Variants in CAMK2D observed in about 807,000 individuals in gnomAD.
CAMK2D encodes the protein calcium/calmodulin-dependent protein kinase type II subunit delta.
CAMK2D carries 37 observed loss-of-function variants against 84.0 expected under a neutral mutation model. The observed-to-expected ratio is 0.44, with a 90% confidence interval of 0.34 to 0.58. CAMK2D has a LOEUF of 0.58. CAMK2D is among the 20% of genes least tolerant of loss of function. The pLI, the probability that CAMK2D is intolerant of heterozygous loss-of-function variation, is 0.02. For missense variants in CAMK2D, 448 were observed against 652.5 expected (o/e 0.69, Z 3.41); for synonymous variants, 202 against 212.5 (o/e 0.95, Z 0.43).
At chr4:113,662,823 TC>T (rs775378263) in intron 2 of CAMK2D, among the ~76,000 whole-genome samples, 94 of 152,268 alleles carry the variant, frequency 6.2e-4, no homozygotes, top group Non-Finnish European at 1.1e-3. Context: ...ACCTTGAAGA[TC>T]CCCTAAGAGA....
Position 113,719,369 on chromosome 4 carries a change from C to G in CAMK2D, c.160+39951G>C, listed in dbSNP as rs563969135. 7.2e-5 allele frequency among the ~76,000 whole-genome samples: 11 copies of G among 152,288 alleles called. 2 individuals carry two copies. Among genetic ancestry groups the G allele is most frequent in the African/African-American group, 2.4e-4 (10 of 41,584 alleles). On this transcript the variant is annotated intron_variant, in intron 2 of 20. Coordinates refer to ENST00000511664, the MANE Select transcript of CAMK2D (RefSeq NM_001321571.2). ...GTAACCTGAAGTAACCTGATATTAACCAATTTGCTTTTCATATTATGCTGT... is the reference window on the plus strand; with the variant it reads ...GTAACCTGAAGTAACCTGATATTAAGCAATTTGCTTTTCATATTATGCTGT...
At chr4:113,547,297 A>C (rs1052219373) in intron 6 of CAMK2D, among the ~76,000 whole-genome samples, 1 of 152,208 alleles carries the variant, frequency 6.6e-6, no homozygotes, top group African/African-American at 2.4e-5. Context: ...CATGAATATA[A>C]AATGTTTGAT....
chr4:113,582,338 G>A (rs1005338319), intron 4 of CAMK2D, among the ~76,000 whole-genome samples: 8 of 152,238 alleles, frequency 5.3e-5, no homozygotes, highest in Admixed American at 3.3e-4. Flanking sequence ...TAGGACACAC[G>A]TTTCTATTTA....
intron 2 of CAMK2D, among the ~76,000 whole-genome samples, chr4:113,676,514 C>A (rs1041136029): frequency 7.2e-5 from 11 of 152,304 alleles, no homozygotes; most frequent in Admixed American, 4.6e-4. Flanking sequence ...TCTATGCACT[C>A]TTTGACCCTG....
At chr4:113,728,047 A>G (rs896601007) in intron 2 of CAMK2D, among the ~76,000 whole-genome samples, 3 of 152,174 alleles carry the variant, frequency 2.0e-5, no homozygotes, top group Non-Finnish European at 4.4e-5. Flanking sequence ...TGCAATTCCC[A>G]TACATTGCTG....
chr4:113,735,400 G>A (rs947500394), intron 2 of CAMK2D, among the ~76,000 whole-genome samples: 38 of 149,684 alleles, frequency 2.5e-4, no homozygotes, highest in East Asian at 8.0e-4. Context: ...GCTTGAGCCC[G>A]CGAGGCAGAG....
At chr4:113,686,302 T>G (rs1013143316) in intron 2 of CAMK2D, among the ~76,000 whole-genome samples, 5 of 152,228 alleles carry the variant, frequency 3.3e-5, no homozygotes, top group African/African-American at 1.2e-4. Context: ...GTTGTAGTAG[T>G]GTCAGTGCCT....
chr4:113,609,959 G>A (rs9884894), intron 3 of CAMK2D, among the ~76,000 whole-genome samples: 4,387 of 151,902 alleles, frequency 0.029, 216 homozygotes, highest in African/African-American at 0.099. Context: ...ACTACAAACC[G>A]CTGTATCTGC....
chr4:113,692,113 C>T (rs1334863068), intron 2 of CAMK2D, among the ~76,000 whole-genome samples: 1 of 152,192 alleles, frequency 6.6e-6, no homozygotes, highest in Non-Finnish European at 1.5e-5. Context: ...AAGATTATCT[C>T]TAGCACTCAA....
At chr4:113,713,215 C>A (rs1189192030) in intron 2 of CAMK2D, among the ~76,000 whole-genome samples, 2 of 151,714 alleles carry the variant, frequency 1.3e-5, no homozygotes, top group African/African-American at 2.4e-5. Context: ...TACTTATACA[C>A]AATTGTGAGA....
intron 3 of CAMK2D, among the ~76,000 whole-genome samples, chr4:113,658,938 T>C (rs2099214847): frequency 6.6e-6 from 1 of 152,164 alleles, no homozygotes; most frequent in Non-Finnish European, 1.5e-5. Flanking sequence ...AACCAAGGAA[T>C]TATGACATTT....
intron 17 of CAMK2D, among the ~76,000 whole-genome samples, chr4:113,460,698 A>T (rs1049216083): frequency 2.0e-5 from 3 of 151,684 alleles, no homozygotes; most frequent in African/African-American, 7.3e-5. Context: ...AATTATTATT[A>T]TTTTTGAGAC....
intron 8 of CAMK2D, among the ~76,000 whole-genome samples, chr4:113,530,952 C>T (rs2098454125): frequency 6.6e-6 from 1 of 152,098 alleles, no homozygotes; most frequent in Non-Finnish European, 1.5e-5. Context: ...TGCATGGTTG[C>T]ACGTGCCTGT....
At chr4:113,760,712 A>C (rs1238291912) in intron 1 of CAMK2D, among the ~76,000 whole-genome samples, 1 of 152,126 alleles carries the variant, frequency 6.6e-6, no homozygotes, top group Non-Finnish European at 1.5e-5. Flanking sequence ...TGATAGCTAC[A>C]ACTGCAGAGA....
intron 7 of CAMK2D, among the ~76,000 whole-genome samples, chr4:113,531,755 T>C (rs2098459850): frequency 6.6e-6 from 1 of 152,138 alleles, no homozygotes; most frequent in Admixed American, 6.6e-5. Context: ...AAAGAGAAGA[T>C]GCAGGAATAT....
intron 3 of CAMK2D, among the ~76,000 whole-genome samples, chr4:113,617,911 T>TAC (rs1430458944): frequency 6.6e-6 from 1 of 151,086 alleles, no homozygotes; most frequent in Non-Finnish European, 1.5e-5. Flanking sequence ...GCTTGGGTCA[T>TAC]ACACACACAC....
chr4:113,459,046 CTCTGAAACTACCACAAG>C (rs964375938), intron 18 of CAMK2D, among the ~76,000 whole-genome samples: 3 of 152,094 alleles, frequency 2.0e-5, no homozygotes, highest in African/African-American at 7.2e-5. Flanking sequence ...TGGCTGTTTC[CTCTGAAACTACCACAAG>C]TCTTAAAATT....
intron 2 of CAMK2D, among the ~76,000 whole-genome samples, chr4:113,671,581 A>G (rs1329774530): frequency 6.6e-6 from 1 of 152,188 alleles, no homozygotes; most frequent in Non-Finnish European, 1.5e-5. Context: ...AACATTTTTG[A>G]GATCTAACAA....
chr4:113,610,088 T>C (rs2098993840), intron 3 of CAMK2D, among the ~76,000 whole-genome samples: 1 of 152,092 alleles, frequency 6.6e-6, no homozygotes, highest in Non-Finnish European at 1.5e-5. Flanking sequence ...CAGGTGTACA[T>C]GTGCAGGTCT....
Sources: allele counts gnomAD v4.1 joint callset (sites outside exome capture counted in the v4.1 genomes callset), GRCh38; gene constraint gnomAD v4.1.1; transcripts MANE v1.5; gene names NCBI Gene and HGNC (gene_info 2026-07-23, HGNC 2026-07-21).